The following RALGPS1 variants were observed in gnomAD, a reference collection of about 807,000 sequenced individuals.
RALGPS1 encodes the protein ras-specific guanine nucleotide-releasing factor RalGPS1.
In RALGPS1, 19 loss-of-function variants were observed where a neutral mutation model predicts 78.8. That is an observed-to-expected ratio of 0.24 (90% confidence interval 0.17 to 0.35). The LOEUF is 0.35. Ranked by LOEUF, RALGPS1 falls within the 10% of genes least tolerant of loss-of-function variation. RALGPS1 has a pLI of 1.00. For missense variants in RALGPS1, 454 were observed against 688.3 expected (o/e 0.66, Z 3.81); for synonymous variants, 228 against 256.3 (o/e 0.89, Z 1.06).
intron 1 of RALGPS1, among the ~76,000 whole-genome samples, chr9:126,958,126 T>TAA (rs11290290): frequency 7.7e-5 from 6 of 77,550 alleles, no homozygotes; most frequent in South Asian, 5.4e-4. Flanking sequence ...GCTGTCTCTT[T>TAA]AAAAAAAAAA....
Position 127,168,698 on chromosome 9 carries a change from C to T in RALGPS1, c.768C>T (p.Pro256=), listed in dbSNP as rs1308316025. ...TTGCAGATCACCTCACCACCCTGCC[C>T]CATGTGCAGAAGTACCTGAAGTCCG... ...SCSYDHLTTL[P]HVQKYLKSVR... The change falls in exon 10 of 19, where the codon CCC becomes CCT. Residue 256 remains proline, a synonymous_variant. Coordinates refer to ENST00000259351, the MANE Select transcript of RALGPS1 (RefSeq NM_014636.3). 6 of 1,613,418 alleles carry T rather than the reference C, an allele frequency of 3.7e-6. No individual in the cohort carries two copies. The highest frequency in any genetic ancestry group is 1.3e-5 in the African/African-American group (1 of 74,896).
At chr9:127,047,778 G>A (rs889197576) in intron 5 of RALGPS1, among the ~76,000 whole-genome samples, 1 of 151,462 alleles carries the variant, frequency 6.6e-6, no homozygotes, top group Non-Finnish European at 1.5e-5. Context: ...GTGAGACTGA[G>A]ATTTGTCTTT....
Position 127,091,841 on chromosome 9 carries a change from C to T in RALGPS1, c.610+22485C>T, listed in dbSNP as rs780295687. Reference sequence around the variant, plus strand: ...GCAAAGACTTTGCGGCCGGACCAGTCCTCCATGGTCACCAGGAGTTTGTAG... The same window carrying T: ...GCAAAGACTTTGCGGCCGGACCAGTTCTCCATGGTCACCAGGAGTTTGTAG... On this transcript the variant is annotated intron_variant, in intron 8 of 18. Transcript: ENST00000259351. This position sits in a 1 kb window ranked among gnomAD's most constrained non-coding sequence, Gnocchi z 4.3. 1 of 1,614,068 alleles carries T rather than the reference C, an allele frequency of 6.2e-7. No individual in the cohort carries two copies.
intron 4 of RALGPS1, among the ~76,000 whole-genome samples, chr9:126,987,495 C>T (rs1018980162): frequency 3.9e-5 from 6 of 152,192 alleles, no homozygotes; most frequent in Non-Finnish European, 1.5e-5. Context: ...GTTCTGTGCT[C>T]TGCCAGAGCA....
chr9:127,065,288 A>G (rs773698781), intron 7 of RALGPS1, among the ~76,000 whole-genome samples: 13 of 151,812 alleles, frequency 8.6e-5, no homozygotes, highest in Non-Finnish European at 1.8e-4. Context: ...TAATTTTTGT[A>G]TTTTTAGTAA....
Position 127,195,220 on chromosome 9 carries a change from G to T in RALGPS1, c.1037+3G>T. 6.2e-7 allele frequency: 1 copy of T among 1,608,846 alleles called. No individual in the cohort carries two copies. On this transcript the variant is annotated splice_donor_region_variant and intron_variant, in intron 12 of 18. Transcript: ENST00000259351. ...AAGAGCCACAGCCTAGGCAACAAGT[G>T]GGTGACTGAGCAAGCCCTCCCGCCG...
At chr9:126,988,463 A>G (rs1255490033) in intron 4 of RALGPS1, among the ~76,000 whole-genome samples, 1 of 152,202 alleles carries the variant, frequency 6.6e-6, no homozygotes, top group Non-Finnish European at 1.5e-5. Flanking sequence ...CTAAAGTGCA[A>G]TGGCATGATC....
rs553471745 is a variant in RALGPS1, at chr9:127,196,398, C to T, written c.1038-76C>T. On this transcript the variant is annotated intron_variant, in intron 12 of 18. Coordinates refer to ENST00000259351, the MANE Select transcript of RALGPS1 (RefSeq NM_014636.3). ...TTTCCTGCAGCTGCACCATCTGCTC[C>T]GGCCCCAGGCAGGTGTAACCACTGT... is the stretch of plus-strand genomic sequence containing the variant. The T allele has an allele frequency of 2.5e-5, 38 of 1,517,062 alleles. No homozygotes were observed. The Middle Eastern group carries it at 8.8e-4, about 35-fold the overall frequency. 94.0% of individuals were successfully genotyped at this position (1,517,062 alleles called of 1,614,324 possible).
Position 127,183,635 on chromosome 9 carries a change from C to T in RALGPS1, c.910+8853C>T, listed in dbSNP as rs149687370. On this transcript the variant is annotated intron_variant, in intron 11 of 18. Coordinates refer to ENST00000259351, the MANE Select transcript of RALGPS1 (RefSeq NM_014636.3). This position sits in a 1 kb window ranked among gnomAD's most constrained non-coding sequence, Gnocchi z 4.0. ...ACTGCTAGAGACATAGTTCAACCTC[C>T]GCAGGGGGTCTGTGGAGACTCCGCC... 2.7e-3 allele frequency among the ~76,000 whole-genome samples: 412 copies of T among 152,232 alleles called. No individual in the cohort carries two copies. The highest frequency in any genetic ancestry group is 0.017 in the Middle Eastern group (5 of 294).
chr9:126,966,813 A>G (rs1008651546), intron 3 of RALGPS1, among the ~76,000 whole-genome samples: 3 of 152,136 alleles, frequency 2.0e-5, no homozygotes, highest in Non-Finnish European at 4.4e-5. Flanking sequence ...TCTTCAACCA[A>G]TGTGTTGCTC....
At chr9:127,092,391 G>A (rs1007760495) in intron 8 of RALGPS1, among the ~76,000 whole-genome samples, 1 of 152,128 alleles carries the variant, frequency 6.6e-6, no homozygotes, top group Non-Finnish European at 1.5e-5. Flanking sequence ...GAGCTGTGAC[G>A]CATGTGTCCC....
intron 8 of RALGPS1, among the ~76,000 whole-genome samples, chr9:127,145,908 A>G (rs1449615309): frequency 6.6e-6 from 1 of 152,150 alleles, no homozygotes; most frequent in East Asian, 1.9e-4. Context: ...TGTTGTTCAT[A>G]TTATTCCATT....
chr9:126,921,003 T>C (rs2034695364), intron 1 of RALGPS1, among the ~76,000 whole-genome samples: 1 of 152,214 alleles, frequency 6.6e-6, no homozygotes, highest in African/African-American at 2.4e-5. Context: ...GATAGCAGTT[T>C]TACCTAACTT....
chr9:127,037,988 G>A (rs2046999561), intron 5 of RALGPS1, among the ~76,000 whole-genome samples: 1 of 152,184 alleles, frequency 6.6e-6, no homozygotes, highest in African/African-American at 2.4e-5. Context: ...GAAGGAAGAA[G>A]CTATGGATGA....
intron 8 of RALGPS1, among the ~76,000 whole-genome samples, chr9:127,101,192 A>C (rs1186984963): frequency 6.6e-6 from 1 of 152,230 alleles, no homozygotes; most frequent in Admixed American, 6.5e-5. Flanking sequence ...GGTGATGATC[A>C]TGTATCTAGA....
chr9:126,964,019 G>T (rs1003788123), intron 2 of RALGPS1, among the ~76,000 whole-genome samples: 11 of 152,278 alleles, frequency 7.2e-5, no homozygotes, highest in South Asian at 6.2e-4. Context: ...CTCTGCGTAG[G>T]TTCTCCTCAG....
chr9:127,177,148 A>C (rs1229726812), intron 11 of RALGPS1, among the ~76,000 whole-genome samples: 1 of 140,714 alleles, frequency 7.1e-6, no homozygotes, highest in Non-Finnish European at 1.5e-5. Context: ...TAGATGCTCA[A>C]TTTTCGTAGG....
intron 4 of RALGPS1, among the ~76,000 whole-genome samples, chr9:126,999,550 A>G (rs1257260463): frequency 2.6e-5 from 4 of 152,308 alleles, no homozygotes; most frequent in Admixed American, 2.6e-4. Context: ...TACCTTTTCC[A>G]GAATGTCTTA....
chr9:127,089,335 C>A (rs1401065510), intron 8 of RALGPS1, among the ~76,000 whole-genome samples: 1 of 152,202 alleles, frequency 6.6e-6, no homozygotes, highest in East Asian at 1.9e-4. Context: ...AACTAACTAG[C>A]TGTGTGATCT....
Sources: gnomAD v4.1 joint callset for allele counts (sites outside exome capture counted in the v4.1 genomes callset) on GRCh38, gnomAD v4.1.1 for gene constraint, Gnocchi (gnomAD v3.1) non-coding constraint, MANE v1.5 for transcripts, NCBI Gene and HGNC (gene_info 2026-07-23, HGNC 2026-07-21) for gene names.